POLA1: variants seen among roughly 807,000 people sequenced by gnomAD.
The protein encoded by POLA1 is DNA polymerase alpha catalytic subunit.
A neutral mutation model predicts 124.0 loss-of-function variants in POLA1; 15 were observed. The observed-to-expected ratio is 0.12, with a 90% CI of 0.08 to 0.19. The LOEUF is 0.19. POLA1 is among the 10% of genes least tolerant of loss of function. The probability of loss-of-function intolerance (pLI) is 1.00; values close to 1 mark genes in which losing one functional copy is unlikely to be tolerated. For missense variants in POLA1, 886 were observed against 1,103.4 expected, an observed-to-expected ratio of 0.80 and a Z score of 2.79; for synonymous variants, 408 against 389.4, an observed-to-expected ratio of 1.05 and a Z score of -0.56.
intron 33 of POLA1, 185 bp downstream of exon 33, chrX:24,842,015 T>C: frequency 2.7e-6 from 1 of 377,032 alleles, no homozygotes; most frequent in Non-Finnish European, 4.5e-6. Context: ...TTGAAAACTC[T>C]TACTTGAATG....
intron 20 of POLA1, among the ~76,000 whole-genome samples, chrX:24,740,540 C>G (rs1931568550): frequency 8.9e-6 from 1 of 112,061 alleles, no homozygotes; most frequent in African/African-American, 3.2e-5. Context: ...CTTCCAGTGA[C>G]TCTCTGTTTC....
chrX:24,993,702 C>T (rs1250630772), intron 36 of POLA1, among the ~76,000 whole-genome samples: 2 of 112,019 alleles, frequency 1.8e-5, no homozygotes, highest in East Asian at 5.6e-4. Context: ...CAGCCTGTGA[C>T]AGCTAGTCCA....
At chrX:24,834,018 GAGGCTGCAGTGAGCTAGGTCA>G (rs1295157888) in intron 32 of POLA1, among the ~76,000 whole-genome samples, 2 of 108,539 alleles carry the variant, frequency 1.8e-5, no homozygotes, top group Admixed American at 9.9e-5. Context: ...CAGGGAGGTC[GAGGCTGCAGTGAGCTAGGTCA>G]AGGCTGCAGT....
rs747289291 is a variant in POLA1, at chrX:24,717,358, G to A, written c.775G>A (p.Asp259Asn). Residue 259 changes from aspartate to asparagine, a missense_variant, in exon 9 of 37, where the codon GAC (aspartate) becomes AAC (asparagine). Asp to Asn is a conservative substitution (Grantham distance 23). This residue lies in a region of POLA1 where 337 missense variants were observed against 402.8 expected (regional missense o/e 0.84). Transcript: ENST00000379068. ...ESGAMEFEDGDFDEPMEVEEV... is the reference protein window; with the variant it reads ...ESGAMEFEDGNFDEPMEVEEV... The stretch of plus-strand genomic sequence containing the variant: ...AGGGGCAATGGAGTTTGAAGATGGT[G>A]ACTTTGATGAGCCCATGGAAGTTGA... 2 of 1,209,502 alleles carry A rather than the reference G, an allele frequency of 1.7e-6. No homozygotes were observed. The highest frequency in any genetic ancestry group is 2.2e-5 in the Admixed American group (1 of 46,008).
At chrX:24,775,663 T>C (rs752733774) in intron 26 of POLA1, among the ~76,000 whole-genome samples, 1 of 111,791 alleles carries the variant, frequency 8.9e-6, no homozygotes, top group Non-Finnish European at 1.9e-5. Context: ...AGCTTTGTAG[T>C]CTTCAATAGG....
Position 24,716,982 on chromosome X carries a change from T to A in POLA1, c.706+11T>A. ...GTGCTGAATTTGCTGGTAAGTGTGA[T>A]GTCAGGCAGAATTGCAAGAGTGTTG... On this transcript the variant is annotated intron_variant, in intron 8 of 36. Transcript: ENST00000379068. 2 of 1,096,405 alleles carry A rather than the reference T, an allele frequency of 1.8e-6. No individual in the cohort carries two copies. The highest frequency in any genetic ancestry group is 2.5e-6 in the Non-Finnish European group (2 of 794,361). 90.4% of individuals were successfully genotyped at this position (1,096,405 alleles called of 1,213,427 possible).
chrX:24,740,447 C>T (rs952892446), intron 20 of POLA1, among the ~76,000 whole-genome samples: 3 of 111,677 alleles, frequency 2.7e-5, no homozygotes, highest in Non-Finnish European at 5.6e-5. Flanking sequence ...TACTTTTGCC[C>T]TTACCCCCTT....
At chrX:24,769,763 G>A (rs2044987985) in intron 26 of POLA1, among the ~76,000 whole-genome samples, 1 of 111,822 alleles carries the variant, frequency 8.9e-6, no homozygotes, top group Admixed American at 9.5e-5. Context: ...ATAGCACTCA[G>A]GTGATTGATA....
At chrX:24,897,678 G>A (rs2047225927) in intron 35 of POLA1, among the ~76,000 whole-genome samples, 1 of 111,728 alleles carries the variant, frequency 9.0e-6, no homozygotes, top group Admixed American at 9.5e-5. Flanking sequence ...GATGTTCCAG[G>A]GATGTTCAGT....
At chrX:24,812,251 A>G (rs773768901) in intron 28 of POLA1, among the ~76,000 whole-genome samples, 57 of 112,518 alleles carry the variant, frequency 5.1e-4, no homozygotes, top group Non-Finnish European at 8.3e-4. Flanking sequence ...TGACTTCTTT[A>G]TTTCTGGTCA....
Position 24,696,071 on chromosome X carries a change from T to G in POLA1, c.43+2067T>G, listed in dbSNP as rs1301229765. 4.4e-5 allele frequency among the ~76,000 whole-genome samples: 5 copies of G among 112,865 alleles called. No individual in the cohort carries two copies. In the Admixed American group the frequency reaches 4.7e-4, roughly 11 times the overall value. ...TGACTTCACACGCGGAAGCGTTACA[T>G]GAGCCGCTCCTATATTGCTAAGTGC... On this transcript the variant is annotated intron_variant, in intron 1 of 36. Coordinates refer to ENST00000379068, the MANE Select transcript of POLA1 (RefSeq NM_001330360.2).
intron 34 of POLA1, among the ~76,000 whole-genome samples, chrX:24,863,465 C>T (rs760612297): frequency 6.3e-5 from 7 of 111,649 alleles, no homozygotes; most frequent in Admixed American, 5.7e-4. Context: ...TCGAAATGCC[C>T]AAGGGCCGAA....
chrX:24,712,180 G>C (rs903158889), intron 4 of POLA1, among the ~76,000 whole-genome samples: 1 of 110,758 alleles, frequency 9.0e-6, no homozygotes, highest in Non-Finnish European at 1.9e-5. Flanking sequence ...CCGCCTCCTG[G>C]TTTCAAGCGA....
At chrX:24,945,380 A>G (rs955288344) in intron 36 of POLA1, among the ~76,000 whole-genome samples, 1 of 112,677 alleles carries the variant, frequency 8.9e-6, no homozygotes, top group African/African-American at 3.2e-5. Flanking sequence ...AGCATCTAGC[A>G]CAACACCAAA....
chrX:24,785,795 T>C (rs1042711668), intron 26 of POLA1, among the ~76,000 whole-genome samples: 1 of 111,913 alleles, frequency 8.9e-6, no homozygotes, highest in Non-Finnish European at 1.9e-5. Flanking sequence ...TGCTGTACCA[T>C]ACATACCCAG....
At chrX:24,936,642 C>T (rs1051139492) in intron 36 of POLA1, among the ~76,000 whole-genome samples, 5 of 111,547 alleles carry the variant, frequency 4.5e-5, no homozygotes, top group African/African-American at 1.6e-4. Flanking sequence ...CGCCATTCTC[C>T]TGCCTCAGCC....
At chrX:24,788,664 G>T (rs776742688) in intron 26 of POLA1, 11 of 1,199,311 alleles carry the variant, frequency 9.2e-6, no homozygotes, top group Non-Finnish European at 1.2e-5. Context: ...TTGGCAACAA[G>T]TGCAGGTTTT....
chrX:24,821,546 T>G lies in POLA1; in HGVS notation c.3524T>G (p.Val1175Gly), dbSNP rs749096801. Residue 1175 changes from valine to glycine, a missense_variant, in exon 31 of 37, where the codon GTG (valine) becomes GGG (glycine). Coordinates refer to ENST00000379068, the MANE Select transcript of POLA1 (RefSeq NM_001330360.2). ...ATAAATTCTCAAGGAGGCAGAAAGGTGAAAGCTGGAGATACTGTGTCATAT... is the reference window on the plus strand; with the variant it reads ...ATAAATTCTCAAGGAGGCAGAAAGGGGAAAGCTGGAGATACTGTGTCATAT... ...LWINSQGGRK[V>G]KAGDTVSYVI... The G allele has an allele frequency of 8.3e-7, 1 of 1,202,899 alleles. No homozygotes were observed. Among genetic ancestry groups the G allele is most frequent in the Admixed American group, 2.2e-5 (1 of 45,925 alleles).
chrX:24,841,904 A>G, intron 33 of POLA1, 74 bp downstream of exon 33: 4 of 743,038 alleles, frequency 5.4e-6, no homozygotes, highest in Non-Finnish European at 8.0e-6. Context: ...ACTATGGGGT[A>G]TATAAAAAGG....
Sources: allele counts gnomAD v4.1 joint callset (sites outside exome capture counted in the v4.1 genomes callset), GRCh38; gene constraint gnomAD v4.1.1; regional missense constraint gnomAD v4.1.1; transcripts MANE v1.5; gene names NCBI Gene and HGNC (gene_info 2026-07-23, HGNC 2026-07-21).